The following ABCA13 variants were observed in gnomAD, a reference collection of about 807,000 sequenced individuals.
ABCA13 encodes ATP-binding cassette sub-family A member 13.
Under a neutral mutation model 478.7 loss-of-function variants are expected in ABCA13, and 476 were observed. The ratio of observed to expected loss-of-function variants is 0.99; its 90% confidence interval spans 0.92 to 1.07. The LOEUF is 1.07. Among genes scored for constraint, ABCA13 ranks in the 50% least tolerant of loss-of-function variants. The probability of loss-of-function intolerance (pLI) is 0.00; values close to 1 mark genes in which losing one functional copy is unlikely to be tolerated. For missense variants in ABCA13, 6,060 were observed against 5,910.6 expected (o/e 1.03, Z -0.83); for synonymous variants, 2,252 against 2,158.9 (o/e 1.04, Z -1.20).
chr7:48,415,134 C>T (rs1819802664), intron 41 of ABCA13, among the ~76,000 whole-genome samples: 2 of 152,120 alleles, frequency 1.3e-5, no homozygotes, highest in South Asian at 4.1e-4. Flanking sequence ...ATGTCAGACA[C>T]CACAGTTGTC....
chr7:48,515,895 A>C (rs1254502526), intron 51 of ABCA13, among the ~76,000 whole-genome samples: 1 of 152,166 alleles, frequency 6.6e-6, no homozygotes. Context: ...AGAGCAGAGA[A>C]GCTCCTTTTG....
intron 8 of ABCA13, among the ~76,000 whole-genome samples, chr7:48,235,720 G>A (rs555993932): frequency 6.6e-6 from 1 of 152,162 alleles, no homozygotes; most frequent in Admixed American, 6.5e-5. Context: ...ATCTTCAATG[G>A]CTGGGGCTCA....
intron 42 of ABCA13, among the ~76,000 whole-genome samples, chr7:48,429,468 A>G (rs1340033823): frequency 6.6e-6 from 1 of 152,178 alleles, no homozygotes; most frequent in Non-Finnish European, 1.5e-5. Context: ...ACTTTAGTGG[A>G]TGTGACACAC....
chr7:48,217,364 TAGAA>T (rs1400667765), intron 3 of ABCA13, among the ~76,000 whole-genome samples: 2 of 152,186 alleles, frequency 1.3e-5, no homozygotes, highest in African/African-American at 2.4e-5. Flanking sequence ...AAAATTGTAA[TAGAA>T]AGAATAATCA....
rs754121639 is a variant in ABCA13 at position 48,274,021 on chromosome 7, A to G, written c.4355A>G (p.Asn1452Ser). The G allele has an allele frequency of 2.5e-6, 4 of 1,606,218 alleles. No homozygotes were observed. The Admixed American group carries it at 5.0e-5, about 20-fold the overall frequency. ...ATAAAAAAACCTCTTTGTTCATCAAATGGCTCACATATAAATTGTGTCAAT... is the reference window on the plus strand; with the variant it reads ...ATAAAAAAACCTCTTTGTTCATCAAGTGGCTCACATATAAATTGTGTCAAT... ...LNIKKPLCSSNGSHINCVNIY... is the reference protein window; with the variant it reads ...LNIKKPLCSSSGSHINCVNIY... Residue 1452 changes from asparagine to serine, a missense_variant, in exon 17 of 62, where the codon AAT (asparagine) becomes AGT (serine). Transcript: ENST00000435803.
intron 55 of ABCA13, among the ~76,000 whole-genome samples, chr7:48,564,009 C>T (rs1342711394): frequency 3.3e-5 from 5 of 152,054 alleles, no homozygotes; most frequent in Non-Finnish European, 7.4e-5. Flanking sequence ...TTAGTATATT[C>T]CTAACTCCAC....
Position 48,309,947 on chromosome 7 carries a change from G to C in ABCA13, c.9322G>C (p.Val3108Leu), listed in dbSNP as rs778044304. Residue 3108 changes from valine (V) to leucine (L), a missense_variant and splice_region_variant, in exon 24 of 62, where the codon GTT (valine) becomes CTT (leucine). This residue lies in a region of ABCA13 where 4,423 missense variants were observed against 4,309.1 expected (regional missense o/e 1.03). Coordinates refer to ENST00000435803, the MANE Select transcript of ABCA13 (RefSeq NM_152701.5). ...ILEANISHSK[V>L]LFSALTVALS... ...CTCTAATCTCTGTGCTTTGAAACAG[G>C]TTCTCTTCAGTGCCCTCACCGTAGC... 19 of 1,613,802 alleles carry C rather than the reference G, an allele frequency of 1.2e-5. No individual in the cohort carries two copies. The East Asian group carries it at 4.2e-4, about 36-fold the overall frequency.
intron 20 of ABCA13, among the ~76,000 whole-genome samples, chr7:48,295,237 G>GTAA (rs1799201254): frequency 6.6e-6 from 1 of 152,308 alleles, no homozygotes; most frequent in Admixed American, 6.5e-5. Flanking sequence ...CAGGTATGAG[G>GTAA]TAATAGCTCA....
intron 58 of ABCA13, 86 bp downstream of exon 58, chr7:48,594,899 T>A (rs1790127025): frequency 9.5e-7 from 1 of 1,053,750 alleles, no homozygotes; most frequent in East Asian, 2.4e-5. Context: ...TGCACAGTGT[T>A]ACACATGGAC....
rs1361147236 is a variant in ABCA13, at chr7:48,487,047, A to G, written c.13183-2189A>G. Among the ~76,000 whole-genome samples, 6 of 152,270 alleles carry G rather than the reference A, an allele frequency of 3.9e-5. No homozygotes were observed. In the South Asian group the frequency reaches 1.2e-3, roughly 32 times the overall value. ...AAGTTTTGGCCCGGTGCAGCGGCTC[A>G]TGCCTGTAATCCCAGCACTTTGGGA... On this transcript the variant is annotated intron_variant, in intron 47 of 61. Coordinates refer to ENST00000435803, the MANE Select transcript of ABCA13 (RefSeq NM_152701.5).
chr7:48,473,709 A>T (rs916054753), intron 45 of ABCA13, among the ~76,000 whole-genome samples: 5 of 152,144 alleles, frequency 3.3e-5, no homozygotes, highest in Non-Finnish European at 7.4e-5. Flanking sequence ...GCTTAGCCCA[A>T]GGGGGATGGG....
At chr7:48,449,681 C>T (rs1420813797) in intron 42 of ABCA13, among the ~76,000 whole-genome samples, 1 of 152,232 alleles carries the variant, frequency 6.6e-6, no homozygotes, top group African/African-American at 2.4e-5. Flanking sequence ...GGTTTCCATG[C>T]AGCTCACCTG....
intron 56 of ABCA13, among the ~76,000 whole-genome samples, chr7:48,585,593 TA>T (rs1789102656): frequency 6.6e-6 from 1 of 152,214 alleles, no homozygotes; most frequent in African/African-American, 2.4e-5. Context: ...TAGAGGTTCT[TA>T]ATGCTTCATT....
chr7:48,516,715 T>A lies in ABCA13; in HGVS notation c.13641-10T>A. Reference sequence around the variant, plus strand: ...GTAAAACAAACATTACTTTTCACTTTACTTTTCAGATATGCAACTCTTCCA... The same window carrying A: ...GTAAAACAAACATTACTTTTCACTTAACTTTTCAGATATGCAACTCTTCCA... On this transcript the variant is annotated splice_polypyrimidine_tract_variant and intron_variant, in intron 51 of 61. Coordinates refer to ENST00000435803, the MANE Select transcript of ABCA13 (RefSeq NM_152701.5). 1 of 1,612,882 alleles carries A rather than the reference T, an allele frequency of 6.2e-7. No homozygotes were observed.
chr7:48,401,258 T>C (rs575599184), intron 38 of ABCA13, among the ~76,000 whole-genome samples: 2 of 152,346 alleles, frequency 1.3e-5, no homozygotes, highest in South Asian at 2.1e-4. Context: ...ATGTTAAATA[T>C]GATTATCTAG....
At chr7:48,338,795 A>G (rs1221892885) in intron 29 of ABCA13, among the ~76,000 whole-genome samples, 1 of 152,240 alleles carries the variant, frequency 6.6e-6, no homozygotes, top group Non-Finnish European at 1.5e-5. Flanking sequence ...GTAACTTGAA[A>G]GCCATTGCAT....
At chr7:48,388,008 A>G (rs1382452603) in intron 36 of ABCA13, 49 bp downstream of exon 36, 3 of 1,570,836 alleles carry the variant, frequency 1.9e-6, no homozygotes, top group Non-Finnish European at 2.6e-6. Flanking sequence ...CCTTTGATCC[A>G]TTTTGATTTT....
chr7:48,414,640 A>G (rs984481815), intron 41 of ABCA13, among the ~76,000 whole-genome samples: 1 of 151,328 alleles, frequency 6.6e-6, no homozygotes, highest in East Asian at 1.9e-4. Flanking sequence ...TATTTAATAA[A>G]ACATATATAT....
chr7:48,306,993 G>A (rs774294026), intron 23 of ABCA13, among the ~76,000 whole-genome samples: 6 of 152,266 alleles, frequency 3.9e-5, no homozygotes, highest in Non-Finnish European at 5.9e-5. Flanking sequence ...TCCATCTCCA[G>A]GTAGTCCGCA....
Sources: allele counts gnomAD v4.1 joint callset (sites outside exome capture counted in the v4.1 genomes callset), GRCh38; gene constraint gnomAD v4.1.1; regional missense constraint gnomAD v4.1.1; transcripts MANE v1.5; gene names NCBI Gene and HGNC (gene_info 2026-07-23, HGNC 2026-07-21).